The following TIMP2 variants were observed in gnomAD, a reference collection of about 807,000 sequenced individuals.
TIMP2 encodes the protein metalloproteinase inhibitor 2.
In TIMP2, 5 loss-of-function variants were observed where a neutral mutation model predicts 24.3. That is an observed-to-expected ratio of 0.21 (90% confidence interval 0.11 to 0.43). The LOEUF (loss-of-function observed/expected upper bound fraction) is 0.43. Ranked by LOEUF, TIMP2 falls within the 20% of genes least tolerant of loss-of-function variation. The pLI is 1.00. For missense variants in TIMP2, 221 were observed against 297.5 expected, an observed-to-expected ratio of 0.74 and a Z score of 1.89; for synonymous variants, 130 against 123.2, an observed-to-expected ratio of 1.06 and a Z score of -0.37.
intron 3 of TIMP2, among the ~76,000 whole-genome samples, chr17:78,858,206 G>T (rs2069540323): frequency 6.6e-6 from 1 of 152,186 alleles, no homozygotes; most frequent in Admixed American, 6.5e-5. Context: ...ACTTTGGGAG[G>T]CCGCGGCAGG....
rs2069504229 is a variant in TIMP2, at chr17:78,853,981, G to A, written c.*1686C>T. ...AGCATGAAAACGCCCGTGGGGCAGG[G>A]GCCGATTCCTGGATACCCTCCCAGT... On this transcript the variant is annotated 3_prime_UTR_variant, in exon 5 of 5. Coordinates refer to ENST00000262768, the MANE Select transcript of TIMP2 (RefSeq NM_003255.5). 1 of 152,216 alleles carries A rather than the reference G, an allele frequency of 6.6e-6. No homozygotes were observed. The highest frequency in any genetic ancestry group is 2.4e-5 in the African/African-American group (1 of 41,488). The allele number at this position is 152,216 out of a possible 1,614,324, so 9.4% of individuals were successfully genotyped here.
intron 3 of TIMP2, among the ~76,000 whole-genome samples, chr17:78,857,950 A>G (rs1371911253): frequency 6.6e-6 from 1 of 152,078 alleles, no homozygotes. Context: ...CACGCCTGTA[A>G]TCCCAGCTAC....
At chr17:78,883,095 T>C (rs2069792965) in intron 1 of TIMP2, among the ~76,000 whole-genome samples, 1 of 152,180 alleles carries the variant, frequency 6.6e-6, no homozygotes, top group Non-Finnish European at 1.5e-5. Flanking sequence ...CTTCCCGCCC[T>C]GCAGCTGCTG....
intron 1 of TIMP2, among the ~76,000 whole-genome samples, chr17:78,883,498 G>A (rs1173974175): frequency 6.6e-6 from 1 of 152,190 alleles, no homozygotes; most frequent in Non-Finnish European, 1.5e-5. Flanking sequence ...GCGGAGGAGG[G>A]TGGGGCAGAG....
rs1025619479 is a variant in TIMP2 at position 78,876,683 on chromosome 17, A to T, written c.131-2764T>A. ...AGGTAACTGCCACCTTGCCAGGCTA[A>T]TTTTTTTTTTTTTTGGTATTTTTAG... On this transcript the variant is annotated intron_variant, in intron 1 of 4. Transcript: ENST00000262768. 2.4e-4 allele frequency among the ~76,000 whole-genome samples: 35 copies of T among 145,164 alleles called. No individual in the cohort carries two copies. In the East Asian group the frequency reaches 6.8e-3, roughly 28 times the overall value.
At chr17:78,874,814 C>T (rs2069716087) in intron 1 of TIMP2, among the ~76,000 whole-genome samples, 1 of 151,646 alleles carries the variant, frequency 6.6e-6, no homozygotes, top group African/African-American at 2.4e-5. Flanking sequence ...GATCTTGGCT[C>T]ACTGCAACTT....
At chr17:78,867,106 C>T (rs768188809) in intron 3 of TIMP2, among the ~76,000 whole-genome samples, 2 of 152,082 alleles carry the variant, frequency 1.3e-5, no homozygotes, top group African/African-American at 2.4e-5. Flanking sequence ...ACTAAAAATA[C>T]AAAAATTAGC....
chr17:78,878,542 ACT>A (rs1244883151), intron 1 of TIMP2, among the ~76,000 whole-genome samples: 1 of 152,094 alleles, frequency 6.6e-6, no homozygotes, highest in African/African-American at 2.4e-5. Context: ...CAGGCCACAG[ACT>A]CTCGATTTGA....
Position 78,855,693 on chromosome 17 carries a change from C to T in TIMP2, c.637G>A (p.Glu213Lys), listed in dbSNP as rs756830236. 2.1e-5 allele frequency: 34 copies of T among 1,613,898 alleles called. No homozygotes were observed. Among genetic ancestry groups the T allele is most frequent in the Non-Finnish European group, 2.8e-5 (33 of 1,180,032 alleles). ...WYRGAAPPKQ[E>K]FLDIEDP ...TATGGGTCCTCGATGTCGAGAAACT[C>T]CTGCTTGGGGGGCGCCGCGCCGCGG... Residue 213 changes from glutamate to lysine, a missense_variant, in exon 5 of 5, where the codon GAG becomes AAG. Physicochemically the swap from Glu to Lys is moderately conservative, Grantham distance 56 (BLOSUM62 1). Transcript: ENST00000262768. This position sits in a 1 kb window ranked among gnomAD's most constrained non-coding sequence, Gnocchi z 6.0.
chr17:78,872,208 C>A (rs151161183), intron 2 of TIMP2, among the ~76,000 whole-genome samples: 20 of 151,270 alleles, frequency 1.3e-4, no homozygotes, highest in Admixed American at 1.3e-3. Context: ...CCAGGCTGGT[C>A]TCAAACTCCT....
At chr17:78,905,413 C>T (rs2070149717) in intron 1 of TIMP2, among the ~76,000 whole-genome samples, 1 of 152,252 alleles carries the variant, frequency 6.6e-6, no homozygotes, top group Non-Finnish European at 1.5e-5. Context: ...GGTTCTGTTT[C>T]TCTGGGAAAC....
At chr17:78,872,977 C>T (rs775697124) in intron 2 of TIMP2, among the ~76,000 whole-genome samples, 11 of 152,094 alleles carry the variant, frequency 7.2e-5, no homozygotes, top group South Asian at 2.1e-4. Context: ...CACAGGCACT[C>T]GCCACCACGC....
In TIMP2 at chr17:78,880,220, G is replaced by A. The variant is rs796146586; in HGVS notation, c.131-6301C>T. 2.5e-4 allele frequency among the ~76,000 whole-genome samples: 38 copies of A among 152,260 alleles called. 1 individual carries two copies. Among genetic ancestry groups the A allele is most frequent in the African/African-American group, 8.4e-4 (35 of 41,528 alleles). On this transcript the variant is annotated intron_variant, in intron 1 of 4. Transcript: ENST00000262768. ...CGGTCCTCCCTTGTTCTCTCTCCTC[G>A]GTGTCCCCTCTGCTGCCATCAACAC...
chr17:78,855,586 A>C lies in TIMP2; in HGVS notation c.*81T>G. ...TGAGTGTTTTATTCATGCTGTTTCCAGGAAGGGATGTCAGAGCTGGACCAG... is the reference window on the plus strand; with the variant it reads ...TGAGTGTTTTATTCATGCTGTTTCCCGGAAGGGATGTCAGAGCTGGACCAG... On this transcript the variant is annotated 3_prime_UTR_variant, in exon 5 of 5. Coordinates refer to ENST00000262768, the MANE Select transcript of TIMP2 (RefSeq NM_003255.5). The surrounding 1 kb of genome is among the most constrained non-coding windows in gnomAD (Gnocchi z 6.0). The C allele has an allele frequency of 1.4e-6, 2 of 1,474,920 alleles. No individual in the cohort carries two copies. Among genetic ancestry groups the C allele is most frequent in the Non-Finnish European group, 1.9e-6 (2 of 1,078,994 alleles). The allele number at this position is 1,474,920 out of a possible 1,614,324, so 91.4% of individuals were successfully genotyped here. A position where few individuals can be genotyped will look rare whatever the true frequency, so the allele number is the denominator to read the frequency against.
intron 1 of TIMP2, chr17:78,890,621 G>A (rs770299113): frequency 7.1e-5 from 110 of 1,546,326 alleles, no homozygotes; most frequent in South Asian, 5.8e-4. Context: ...TATTTACCCC[G>A]GGTGGGCCTC....
At chr17:78,880,130 G>A (rs1201200286) in intron 1 of TIMP2, among the ~76,000 whole-genome samples, 4 of 152,096 alleles carry the variant, frequency 2.6e-5, no homozygotes, top group South Asian at 4.1e-4. Flanking sequence ...TGGCCGGAGG[G>A]GCGGCACTCT....
chr17:78,860,340 CT>C (rs1185133825), intron 3 of TIMP2, among the ~76,000 whole-genome samples: 1 of 152,248 alleles, frequency 6.6e-6, no homozygotes, highest in African/African-American at 2.4e-5. Context: ...GCCCTAAGCA[CT>C]TTTGTTTGAC....
intron 3 of TIMP2, among the ~76,000 whole-genome samples, chr17:78,860,523 T>C (rs1017027561): frequency 1.2e-4 from 19 of 152,200 alleles, no homozygotes; most frequent in Non-Finnish European, 1.9e-4. Context: ...GTGGCCTCCA[T>C]TGTCCTGGGC....
At position 78,855,427 on chromosome 17, in the gene TIMP2, G is replaced by A. The variant is rs1025605867; in HGVS notation, c.*240C>T. On this transcript the variant is annotated 3_prime_UTR_variant, in exon 5 of 5. Coordinates refer to ENST00000262768, the MANE Select transcript of TIMP2 (RefSeq NM_003255.5). The surrounding 1 kb of genome is among the most constrained non-coding windows in gnomAD (Gnocchi z 6.0). ...CCAGCCCTGCCTGCACCCAAGGATC[G>A]AAGCCCCAGACACATAGTGCCTGGC... 22 of 553,830 alleles carry A rather than the reference G, an allele frequency of 4.0e-5. No homozygotes were observed. The highest frequency in any genetic ancestry group is 4.8e-4 in the Middle Eastern group (1 of 2,068). 34.3% of individuals were successfully genotyped at this position (553,830 alleles called of 1,614,324 possible).
Sources: allele counts gnomAD v4.1 joint callset (sites outside exome capture counted in the v4.1 genomes callset), GRCh38; gene constraint gnomAD v4.1.1; non-coding constraint Gnocchi (gnomAD v3.1); transcripts MANE v1.5; gene names NCBI Gene and HGNC (gene_info 2026-07-23, HGNC 2026-07-21).